IFFO2: variants seen among roughly 807,000 people sequenced by gnomAD.
The protein encoded by IFFO2 is intermediate filament family orphan 2.
A neutral mutation model predicts 53.5 loss-of-function variants in IFFO2; 19 were observed. That is an observed-to-expected ratio of 0.36 (90% CI 0.25 to 0.52). IFFO2 has a LOEUF of 0.52. Ranked by LOEUF, IFFO2 falls within the 20% of genes least tolerant of loss-of-function variation. The pLI is 0.94. For missense variants in IFFO2, 570 were observed against 727.4 expected (o/e 0.78, Z 2.49); for synonymous variants, 303 against 313.6 (o/e 0.97, Z 0.36).
rs1935956851 is a variant in IFFO2 at position 18,906,882 on chromosome 1, A to G, written c.*1679T>C. 6.6e-6 allele frequency: 1 copy of G among 152,136 alleles called. No homozygotes were observed. The highest frequency in any genetic ancestry group is 1.5e-5 in the Non-Finnish European group (1 of 68,048). The allele number at this position is 152,136 out of a possible 1,614,324, so 9.4% of individuals were successfully genotyped here. A position where few individuals can be genotyped will look rare whatever the true frequency, so the allele number is the denominator to read the frequency against. On this transcript the variant is annotated 3_prime_UTR_variant, in exon 9 of 9. Coordinates refer to ENST00000455833, the MANE Select transcript of IFFO2 (RefSeq NM_001136265.2). ...CAAATCGTGATAAATTACATCACACATAGTCACTAACACATTCTCACGCTC... is the reference window on the plus strand; with the variant it reads ...CAAATCGTGATAAATTACATCACACGTAGTCACTAACACATTCTCACGCTC...
At chr1:18,931,715 C>G (rs955481818) in intron 1 of IFFO2, among the ~76,000 whole-genome samples, 3 of 152,246 alleles carry the variant, frequency 2.0e-5, no homozygotes, top group Non-Finnish European at 2.9e-5. Flanking sequence ...ATCATTCCCA[C>G]TATACACACT....
rs77519392 is a variant in IFFO2 at position 18,933,144 on chromosome 1, C to G, written c.666-12023G>C. Among the ~76,000 whole-genome samples, 830 of 152,336 alleles carry G rather than the reference C, an allele frequency of 5.4e-3. 16 individuals are homozygous for G. In the East Asian group the frequency reaches 0.056, roughly 10 times the overall value. ...CTGCTGAGAGAGGGGAGGCGAGTTCCGGAGCTCTCGCTGGGGCAGGACCTC... is the reference window on the plus strand; with the variant it reads ...CTGCTGAGAGAGGGGAGGCGAGTTCGGGAGCTCTCGCTGGGGCAGGACCTC... On this transcript the variant is annotated intron_variant, in intron 1 of 8. Transcript: ENST00000455833.
In IFFO2 at chr1:18,919,842, T is replaced by G; in HGVS notation, c.727-69A>C. ...CTGGGGATAGGAGGGTCTGGACACC[T>G]GAGTCCAGAGCCCTAGGCACCCGAT... On this transcript the variant is annotated intron_variant, in intron 2 of 8. Transcript: ENST00000455833. The surrounding 1 kb of genome is among the most constrained non-coding windows in gnomAD (Gnocchi z 4.9). The G allele has an allele frequency of 3.6e-6, 4 of 1,116,610 alleles. No homozygotes were observed. Among genetic ancestry groups the G allele is most frequent in the Non-Finnish European group, 5.3e-6 (4 of 758,940 alleles). 69.2% of individuals were successfully genotyped at this position (1,116,610 alleles called of 1,614,324 possible).
At position 18,955,669 on chromosome 1, in the gene IFFO2, T is replaced by G. The variant is rs1936714435; in HGVS notation, c.664A>C (p.Arg222=). ...VKRERDEYKR[R]WEEELAKRMN... Reference sequence around the variant, plus strand: ...GGCGGGGGAGGGGCGGCCACTCACCTCCGCTTATACTCGTCGCGCTCGCGC... The same window carrying G: ...GGCGGGGGAGGGGCGGCCACTCACCGCCGCTTATACTCGTCGCGCTCGCGC... The change falls in exon 1 of 9, where the codon AGG becomes CGG. Residue 222 remains arginine (R), a splice_region_variant and synonymous_variant. Transcript: ENST00000455833. 1.3e-6 allele frequency: 2 copies of G among 1,578,372 alleles called. No homozygotes were observed. The highest frequency in any genetic ancestry group is 4.8e-5 in the East Asian group (2 of 42,062).
intron 5 of IFFO2, among the ~76,000 whole-genome samples, chr1:18,915,026 C>T (rs1262119342): frequency 6.6e-6 from 1 of 152,128 alleles, no homozygotes. Context: ...CCTGTCCCCA[C>T]CCAGTTCCAA....
In IFFO2 at chr1:18,918,116, C is replaced by T. The variant is rs1371925454; in HGVS notation, c.963+246G>A. Among the ~76,000 whole-genome samples, 3 of 152,222 alleles carry T rather than the reference C, an allele frequency of 2.0e-5. No individual in the cohort carries two copies. The highest frequency in any genetic ancestry group is 4.4e-5 in the Non-Finnish European group (3 of 68,046). On this transcript the variant is annotated intron_variant, in intron 4 of 8. Coordinates refer to ENST00000455833, the MANE Select transcript of IFFO2 (RefSeq NM_001136265.2). The surrounding 1 kb of genome is among the most constrained non-coding windows in gnomAD (Gnocchi z 5.2). ...CTGCCACTTCCTTCCGTGAGCACAG[C>T]ACATCACCCTCTGGGCCTCGGTCTC...
rs1935970352 is a variant in IFFO2 at position 18,907,612 on chromosome 1, C to T, written c.*949G>A. On this transcript the variant is annotated 3_prime_UTR_variant, in exon 9 of 9. Coordinates refer to ENST00000455833, the MANE Select transcript of IFFO2 (RefSeq NM_001136265.2). ...CAGGGAAATCAAGGATCCCTCCGCC[C>T]CCGCCCTGAACCCAGAGGTCCGGAA... 1.3e-5 allele frequency: 2 copies of T among 152,228 alleles called. No homozygotes were observed. The highest frequency in any genetic ancestry group is 2.9e-5 in the Non-Finnish European group (2 of 68,098). 9.4% of individuals were successfully genotyped at this position (152,228 alleles called of 1,614,324 possible). A position where few individuals can be genotyped will look rare whatever the true frequency, so the allele number is the denominator to read the frequency against.
At chr1:18,913,097 C>T (rs186582345) in intron 5 of IFFO2, among the ~76,000 whole-genome samples, 57 of 152,372 alleles carry the variant, frequency 3.7e-4, no homozygotes, top group Non-Finnish European at 6.8e-4. Flanking sequence ...ATTGCCTGCC[C>T]TCCCTCAACT....
At chr1:18,934,914 T>C (rs992661) in intron 1 of IFFO2, among the ~76,000 whole-genome samples, 82,035 of 152,116 alleles carry the variant, frequency 0.54, 24,903 homozygotes, top group African/African-American at 0.82. Flanking sequence ...TGAACACCTT[T>C]GTACCCTCAC....
At chr1:18,949,678 C>T (rs1936634081) in intron 1 of IFFO2, among the ~76,000 whole-genome samples, 1 of 152,232 alleles carries the variant, frequency 6.6e-6, no homozygotes, top group South Asian at 2.1e-4. Context: ...GTTCAAATTC[C>T]GGGTCTACCC....
Position 18,919,537 on chromosome 1 carries a change from C to T in IFFO2, c.822+141G>A. The T allele has an allele frequency of 1.5e-6, 1 of 656,392 alleles. No homozygotes were observed. The highest frequency in any genetic ancestry group is 2.8e-6 in the Non-Finnish European group (1 of 361,570). 40.7% of individuals were successfully genotyped at this position (656,392 alleles called of 1,614,324 possible). ...TGCCTGGTCTCCGATGCATCCAATG[C>T]ATCCGTCATCCTCATGGTCAAACAC... is the stretch of plus-strand genomic sequence containing the variant. On this transcript the variant is annotated intron_variant, in intron 3 of 8. Coordinates refer to ENST00000455833, the MANE Select transcript of IFFO2 (RefSeq NM_001136265.2). The surrounding 1 kb of genome is among the most constrained non-coding windows in gnomAD (Gnocchi z 4.9).
At chr1:18,948,285 C>A (rs1431014839) in intron 1 of IFFO2, among the ~76,000 whole-genome samples, 1 of 152,182 alleles carries the variant, frequency 6.6e-6, no homozygotes, top group Non-Finnish European at 1.5e-5. Context: ...TTGTACAGAG[C>A]GACAAACTGA....
rs545523810 is a variant in IFFO2 at position 18,906,709 on chromosome 1, T to C, written c.*1852A>G. On this transcript the variant is annotated 3_prime_UTR_variant, in exon 9 of 9. Transcript: ENST00000455833. ...AAGGGCCGTCTCTCTTCCAAAACCA[T>C]TGTCCCTCCAAGTACCTGTCAAAGG... 2 of 152,308 alleles carry C rather than the reference T, an allele frequency of 1.3e-5. No individual in the cohort carries two copies. Among genetic ancestry groups the C allele is most frequent in the South Asian group, 4.1e-4 (2 of 4,824 alleles). The allele number at this position is 152,308 out of a possible 1,614,324, so 9.4% of individuals were successfully genotyped here.
Position 18,922,464 on chromosome 1 carries a change from C to T in IFFO2, c.666-1343G>A, listed in dbSNP as rs996185260. ...AGGGGTGGAGAGCCGGTTACGTCAC[C>T]GGCTTTTGGAAACAAGAGAAAACGG... is the stretch of plus-strand genomic sequence containing the variant. On this transcript the variant is annotated intron_variant, in intron 1 of 8. Transcript: ENST00000455833. 5.9e-5 allele frequency among the ~76,000 whole-genome samples: 9 copies of T among 152,256 alleles called. No individual in the cohort carries two copies. In the East Asian group the frequency reaches 9.7e-4, roughly 16 times the overall value.
At position 18,936,955 on chromosome 1, in the gene IFFO2, CAA is replaced by C. The variant is rs58010345; in HGVS notation, c.666-15836_666-15835del. ...AAACACAAACTGGCTGCAGGTGGGG[CAA>C]AAAAAAAAAAAAAGCACAGAACACA... On this transcript the variant is annotated intron_variant, in intron 1 of 8. Coordinates refer to ENST00000455833, the MANE Select transcript of IFFO2 (RefSeq NM_001136265.2). The surrounding 1 kb of genome is among the most constrained non-coding windows in gnomAD (Gnocchi z 4.5). Among the ~76,000 whole-genome samples, 5,249 of 137,718 alleles carry C rather than the reference CAA, an allele frequency of 0.038. 313 individuals carry two copies. The highest frequency in any genetic ancestry group is 0.13 in the African/African-American group (4,896 of 37,318). 90.3% of individuals were successfully genotyped at this position (137,718 alleles called of 152,430 possible). A position where few individuals can be genotyped will look rare whatever the true frequency, so the allele number is the denominator to read the frequency against.
intron 1 of IFFO2, among the ~76,000 whole-genome samples, chr1:18,940,166 G>A (rs1294891053): frequency 6.6e-6 from 1 of 152,214 alleles, no homozygotes; most frequent in Non-Finnish European, 1.5e-5. Flanking sequence ...TCAGAACAGA[G>A]GCTGCCAGCA....
At chr1:18,939,634 G>A (rs1170710304) in intron 1 of IFFO2, among the ~76,000 whole-genome samples, 1 of 152,190 alleles carries the variant, frequency 6.6e-6, no homozygotes, top group African/African-American at 2.4e-5. Flanking sequence ...TTGTATCTGA[G>A]TCAAGGCACA....
In IFFO2 at chr1:18,916,772, C is replaced by CAA. The variant is rs34630758; in HGVS notation, c.1103+129_1103+130dup. On this transcript the variant is annotated intron_variant, in intron 5 of 8. Coordinates refer to ENST00000455833, the MANE Select transcript of IFFO2 (RefSeq NM_001136265.2). This position sits in a 1 kb window ranked among gnomAD's most constrained non-coding sequence, Gnocchi z 4.3. ...TGGGTGACAAAGTGAGACCCTGTCT[C>CAA]AAAAAAAAAAAGGAAATGAATTCAA... is the stretch of plus-strand genomic sequence containing the variant. 254 of 951,580 alleles carry CAA rather than the reference C, an allele frequency of 2.7e-4. No individual in the cohort carries two copies. The highest frequency in any genetic ancestry group is 7.5e-4 in the Middle Eastern group (2 of 2,658). 58.9% of individuals were successfully genotyped at this position (951,580 alleles called of 1,614,324 possible). A position where few individuals can be genotyped will look rare whatever the true frequency, so the allele number is the denominator to read the frequency against.
chr1:18,930,194 A>C (rs558941196), intron 1 of IFFO2, among the ~76,000 whole-genome samples: 1 of 152,212 alleles, frequency 6.6e-6, no homozygotes, highest in African/African-American at 2.4e-5. Context: ...GCATATGAAA[A>C]GTGCCCAGAA....
Sources: allele counts gnomAD v4.1 joint callset (sites outside exome capture counted in the v4.1 genomes callset), GRCh38; gene constraint gnomAD v4.1.1; non-coding constraint Gnocchi (gnomAD v3.1); transcripts MANE v1.5; gene names NCBI Gene and HGNC (gene_info 2026-07-23, HGNC 2026-07-21).